TSPAN9: variants seen among roughly 807,000 people sequenced by gnomAD.
TSPAN9 encodes the protein tetraspanin-9.
TSPAN9 carries 16 observed loss-of-function variants against 31.0 expected under a neutral mutation model. The observed-to-expected ratio is 0.52, with a 90% CI of 0.35 to 0.78. The LOEUF (loss-of-function observed/expected upper bound fraction) is 0.78. Ranked by LOEUF, TSPAN9 falls within the 30% of genes least tolerant of loss-of-function variation. The pLI, the probability that TSPAN9 is intolerant of heterozygous loss-of-function variation, is 0.01. For missense variants in TSPAN9, 272 were observed against 312.5 expected (o/e 0.87, Z 0.98); for synonymous variants, 145 against 121.6 (o/e 1.19, Z -1.27).
chr12:3,236,130 G>A (rs1362248761), intron 3 of TSPAN9, among the ~76,000 whole-genome samples: 1 of 152,206 alleles, frequency 6.6e-6, no homozygotes, highest in Non-Finnish European at 1.5e-5. Context: ...GAAGAACAGT[G>A]CACCTGAAGT....
chr12:3,109,661 C>A (rs1401476681), intron 2 of TSPAN9, among the ~76,000 whole-genome samples: 1 of 151,460 alleles, frequency 6.6e-6, no homozygotes, highest in East Asian at 2.0e-4. Flanking sequence ...AGCCGGGCAT[C>A]GTGGCAGGCG....
rs768196353 is a variant in TSPAN9 at position 3,209,585 on chromosome 12, G to A, written c.63+8329G>A. 2.6e-5 allele frequency among the ~76,000 whole-genome samples: 4 copies of A among 152,134 alleles called. No individual in the cohort carries two copies. In the South Asian group the frequency reaches 6.2e-4, roughly 24 times the overall value. On this transcript the variant is annotated intron_variant, in intron 3 of 8. Coordinates refer to ENST00000011898, the MANE Select transcript of TSPAN9 (RefSeq NM_006675.5). ...ACACGGTTGAGAGCACACGTGACTC[G>A]CCTGACGAGCTCAGCTGTACCTGAG...
intron 1 of TSPAN9, among the ~76,000 whole-genome samples, chr12:3,078,782 ATT>A (rs879455616): frequency 2.1e-5 from 3 of 143,740 alleles, no homozygotes; most frequent in Non-Finnish European, 3.1e-5. Context: ...TGAGAGTAGG[ATT>A]TTTTTTTTTT....
chr12:3,166,639 A>G (rs1043671309), intron 2 of TSPAN9, among the ~76,000 whole-genome samples: 2 of 152,222 alleles, frequency 1.3e-5, no homozygotes, highest in Admixed American at 6.5e-5. Flanking sequence ...TTTTATAGAG[A>G]AGTGAACACA....
chr12:3,264,566 C>T lies in TSPAN9; in HGVS notation c.64-13855C>T, dbSNP rs1489755543. On this transcript the variant is annotated intron_variant, in intron 3 of 8. Transcript: ENST00000011898. Reference sequence around the variant, plus strand: ...CTGCTGCAGGCCTGGGTGGACAGGGCTCGGAGAGGCCCAGGAGCAGCCTCT... The same window carrying T: ...CTGCTGCAGGCCTGGGTGGACAGGGTTCGGAGAGGCCCAGGAGCAGCCTCT... 2.6e-5 allele frequency among the ~76,000 whole-genome samples: 4 copies of T among 152,252 alleles called. No individual in the cohort carries two copies. In the East Asian group the frequency reaches 7.8e-4, roughly 30 times the overall value.
intron 1 of TSPAN9, among the ~76,000 whole-genome samples, chr12:3,081,832 G>GTATA (rs1190118465): frequency 2.1e-4 from 6 of 28,136 alleles, no homozygotes; most frequent in African/African-American, 4.6e-4. Flanking sequence ...GTGTGTGTGT[G>GTATA]TGTCTGTGTG....
chr12:3,078,405 G>T (rs1415099200), intron 1 of TSPAN9, among the ~76,000 whole-genome samples: 1 of 152,138 alleles, frequency 6.6e-6, no homozygotes, highest in Non-Finnish European at 1.5e-5. Flanking sequence ...GAAGACTCAT[G>T]CGAGGATCCC....
chr12:3,279,484 C>T (rs1162866638), intron 5 of TSPAN9, among the ~76,000 whole-genome samples: 1 of 152,242 alleles, frequency 6.6e-6, no homozygotes, highest in East Asian at 1.9e-4. Flanking sequence ...CTCTGGGCGA[C>T]GCTGGCTGAG....
chr12:3,189,307 C>T (rs1023256149), intron 2 of TSPAN9, among the ~76,000 whole-genome samples: 15 of 152,156 alleles, frequency 9.9e-5, no homozygotes, highest in Admixed American at 7.9e-4. Flanking sequence ...GAGGGCACAG[C>T]TCTGGGATTT....
At position 3,283,054 on chromosome 12, in the gene TSPAN9, A is replaced by G. The variant is rs779806155; in HGVS notation, c.658A>G (p.Met220Val). The G allele has an allele frequency of 1.2e-6, 2 of 1,608,716 alleles. No homozygotes were observed. The highest frequency in any genetic ancestry group is 2.2e-5 in the South Asian group (2 of 91,042). Residue 220 changes from methionine to valine, a missense_variant, in exon 9 of 9, where the codon ATG (methionine) becomes GTG (valine). By Grantham distance (21) the Met-to-Val change is conservative (BLOSUM62 1). Transcript: ENST00000011898. ...TCCCCGTGTCTTTCAGATCCTGGGCATGGCCTTCTCCATGACCCTCTTCCA... is the reference window on the plus strand; with the variant it reads ...TCCCCGTGTCTTTCAGATCCTGGGCGTGGCCTTCTCCATGACCCTCTTCCA... The part of the protein sequence containing the change: ...MCILIMQILG[M>V]AFSMTLFQHI...
At chr12:3,104,015 C>T (rs1706724763) in intron 2 of TSPAN9, among the ~76,000 whole-genome samples, 1 of 152,148 alleles carries the variant, frequency 6.6e-6, no homozygotes, top group Admixed American at 6.5e-5. Context: ...TACTGAGGAG[C>T]TGGCATTTCA....
chr12:3,193,804 C>T (rs1446678547), intron 2 of TSPAN9, among the ~76,000 whole-genome samples: 1 of 152,232 alleles, frequency 6.6e-6, no homozygotes, highest in East Asian at 1.9e-4. Flanking sequence ...TTTTCTACCT[C>T]AGATCTTTCC....
At chr12:3,119,841 G>A (rs147810873) in intron 2 of TSPAN9, among the ~76,000 whole-genome samples, 4 of 152,310 alleles carry the variant, frequency 2.6e-5, no homozygotes, top group African/African-American at 9.6e-5. Context: ...CCCAGGTTGG[G>A]CTAGGGCAGG....
rs372852979 is a variant in TSPAN9, at chr12:3,170,245, G to T, written c.-17-30932G>T. On this transcript the variant is annotated intron_variant, in intron 2 of 8. Coordinates refer to ENST00000011898, the MANE Select transcript of TSPAN9 (RefSeq NM_006675.5). The surrounding 1 kb of genome is among the most constrained non-coding windows in gnomAD (Gnocchi z 4.4). ...CCATCTCGTTTATGGTGTTTACAGGGAATATTCTGCACTGATCCCTGCCAG... is the reference window on the plus strand; with the variant it reads ...CCATCTCGTTTATGGTGTTTACAGGTAATATTCTGCACTGATCCCTGCCAG... Among the ~76,000 whole-genome samples the T allele has an allele frequency of 6.8e-4, 104 of 152,086 alleles. No homozygotes were observed. The highest frequency in any genetic ancestry group is 2.5e-3 in the African/African-American group (103 of 41,482).
At chr12:3,227,278 G>A (rs541562856) in intron 3 of TSPAN9, among the ~76,000 whole-genome samples, 1 of 152,228 alleles carries the variant, frequency 6.6e-6, no homozygotes, top group Non-Finnish European at 1.5e-5. Context: ...GTCATCGGCT[G>A]TACATGTGTC....
intron 3 of TSPAN9, among the ~76,000 whole-genome samples, chr12:3,246,168 G>C (rs1008337134): frequency 2.0e-5 from 3 of 151,700 alleles, no homozygotes; most frequent in African/African-American, 7.3e-5. Context: ...GACAAAAGCA[G>C]GAGCGGGTGA....
At chr12:3,108,731 CT>C (rs1172220344) in intron 2 of TSPAN9, among the ~76,000 whole-genome samples, 12 of 152,194 alleles carry the variant, frequency 7.9e-5, no homozygotes, top group Admixed American at 5.2e-4. Context: ...TCCTATCCCC[CT>C]CCTTTCCTTT....
chr12:3,236,873 C>T (rs949196532), intron 3 of TSPAN9, among the ~76,000 whole-genome samples: 13 of 152,166 alleles, frequency 8.5e-5, no homozygotes, highest in Non-Finnish European at 1.8e-4. Context: ...CATCACTGGG[C>T]ACCCTCTGGG....
intron 3 of TSPAN9, among the ~76,000 whole-genome samples, chr12:3,266,368 A>T (rs995371582): frequency 6.6e-6 from 1 of 152,210 alleles, no homozygotes; most frequent in Non-Finnish European, 1.5e-5. Flanking sequence ...AAATGAGGCT[A>T]TAGAGGCAAA....
Sources: allele counts gnomAD v4.1 joint callset (sites outside exome capture counted in the v4.1 genomes callset), GRCh38; gene constraint gnomAD v4.1.1; non-coding constraint Gnocchi (gnomAD v3.1); transcripts MANE v1.5; gene names NCBI Gene and HGNC (gene_info 2026-07-23, HGNC 2026-07-21).